The following ALK variants were observed in gnomAD, a reference collection of about 807,000 sequenced individuals.
ALK encodes the protein ALK receptor tyrosine kinase, also known as ALK tyrosine kinase receptor.
ALK carries 74 observed loss-of-function variants against 163.1 expected under a neutral mutation model. The ratio of observed to expected loss-of-function variants is 0.45; its 90% CI spans 0.38 to 0.55. The LOEUF (loss-of-function observed/expected upper bound fraction) is 0.55, where lower values mean the gene tolerates loss of function less well. Ranked by LOEUF, ALK falls within the 20% of genes least tolerant of loss-of-function variation. The pLI, the probability that ALK is intolerant of heterozygous loss-of-function variation, is 0.00. For missense variants in ALK, 2,063 were observed against 2,105.3 expected (o/e 0.98, Z 0.39); for synonymous variants, 960 against 843.2 (o/e 1.14, Z -2.40).
intron 2 of ALK, among the ~76,000 whole-genome samples, chr2:29,715,330 C>G (rs1365764368): frequency 6.6e-6 from 1 of 152,164 alleles, no homozygotes; most frequent in Non-Finnish European, 1.5e-5. Flanking sequence ...TGGTTTGGGT[C>G]CTCTACTCTG....
intron 1 of ALK, among the ~76,000 whole-genome samples, chr2:29,918,682 C>T (rs141209761): frequency 1.8e-4 from 27 of 152,180 alleles, no homozygotes; most frequent in South Asian, 8.3e-4. Context: ...TCTGAATATC[C>T]CTCCTGCATG....
chr2:29,279,630 C>G (rs1375230012), intron 9 of ALK, among the ~76,000 whole-genome samples: 2 of 152,168 alleles, frequency 1.3e-5, no homozygotes, highest in Non-Finnish European at 1.5e-5. Context: ...TCAGGTTTCC[C>G]TACTTTCGAA....
intron 4 of ALK, among the ~76,000 whole-genome samples, chr2:29,487,195 C>T (rs1183947806): frequency 6.6e-6 from 1 of 152,126 alleles, no homozygotes; most frequent in Non-Finnish European, 1.5e-5. Flanking sequence ...CTAAGAATTG[C>T]CAGTTTGGGA....
At chr2:29,230,638 T>G (rs886923051) in intron 15 of ALK, among the ~76,000 whole-genome samples, 2 of 151,928 alleles carry the variant, frequency 1.3e-5, no homozygotes, top group Admixed American at 6.6e-5. Flanking sequence ...GAATCTAGAA[T>G]GGGGACAAGC....
At chr2:29,880,644 G>A (rs55634213) in intron 1 of ALK, among the ~76,000 whole-genome samples, 9,643 of 152,202 alleles carry the variant, frequency 0.063, 438 homozygotes, top group East Asian at 0.14. Flanking sequence ...CACACGCCTC[G>A]GAGGAAAGGG....
chr2:29,667,481 T>G (rs754453064), intron 3 of ALK, among the ~76,000 whole-genome samples: 9 of 151,998 alleles, frequency 5.9e-5, no homozygotes, highest in Non-Finnish European at 1.3e-4. Context: ...TATTTTGCAG[T>G]ATGTTCCTTC....
chr2:29,353,615 G>C (rs987964847), intron 5 of ALK, among the ~76,000 whole-genome samples: 11 of 152,118 alleles, frequency 7.2e-5, no homozygotes, highest in African/African-American at 1.2e-4. Flanking sequence ...ACACCAGGGA[G>C]AGGTGTTTTG....
At chr2:29,772,537 C>G (rs1458977071) in intron 1 of ALK, among the ~76,000 whole-genome samples, 1 of 152,148 alleles carries the variant, frequency 6.6e-6, no homozygotes, top group Non-Finnish European at 1.5e-5. Context: ...GCCTCCCACA[C>G]TTCCTCACCA....
chr2:29,837,363 A>T (rs932416241), intron 1 of ALK, among the ~76,000 whole-genome samples: 5 of 152,268 alleles, frequency 3.3e-5, no homozygotes, highest in Admixed American at 6.5e-5. Flanking sequence ...AGAAGGGAGC[A>T]GTGCAAACAA....
intron 4 of ALK, among the ~76,000 whole-genome samples, chr2:29,522,958 C>T (rs2148149961): frequency 6.6e-6 from 1 of 152,252 alleles, no homozygotes; most frequent in East Asian, 1.9e-4. Context: ...TGCAGCAGGA[C>T]ATTTGCTACA....
chr2:29,675,660 T>G (rs987887867), intron 3 of ALK, among the ~76,000 whole-genome samples: 1 of 152,072 alleles, frequency 6.6e-6, no homozygotes, highest in Non-Finnish European at 1.5e-5. Context: ...GCTGCTTACA[T>G]GCTGTATGTC....
chr2:29,781,687 A>C (rs1269157034), intron 1 of ALK, among the ~76,000 whole-genome samples: 1 of 152,208 alleles, frequency 6.6e-6, no homozygotes, highest in African/African-American at 2.4e-5. Context: ...TAAGCCATAA[A>C]GTAGTAGCTC....
At chr2:29,789,457 G>A (rs1486822051) in intron 1 of ALK, among the ~76,000 whole-genome samples, 3 of 152,204 alleles carry the variant, frequency 2.0e-5, no homozygotes, top group African/African-American at 7.2e-5. Context: ...GCTTGGCAGA[G>A]TCACACAGTT....
chr2:29,822,068 T>C (rs1209083736), intron 1 of ALK, among the ~76,000 whole-genome samples: 2 of 152,212 alleles, frequency 1.3e-5, no homozygotes, highest in African/African-American at 4.8e-5. Context: ...CTGGAACTTC[T>C]ATTGTCCTTT....
intron 1 of ALK, among the ~76,000 whole-genome samples, chr2:29,905,566 A>G (rs1275394660): frequency 6.6e-6 from 1 of 151,356 alleles, no homozygotes; most frequent in Non-Finnish European, 1.5e-5. Flanking sequence ...AAGGAAAGGG[A>G]AAGGGAAGGG....
intron 4 of ALK, among the ~76,000 whole-genome samples, chr2:29,483,247 A>T (rs747884137): frequency 6.6e-6 from 1 of 152,224 alleles, no homozygotes; most frequent in Non-Finnish European, 1.5e-5. Flanking sequence ...CCCTGTCTGT[A>T]TACTGGTATT....
intron 8 of ALK, among the ~76,000 whole-genome samples, chr2:29,300,594 G>A (rs1666341344): frequency 6.6e-6 from 1 of 150,640 alleles, no homozygotes; most frequent in Non-Finnish European, 1.5e-5. Context: ...CCTAAGTCAA[G>A]GCGAAAAATT....
chr2:29,526,827 G>A (rs1421286566), intron 4 of ALK, among the ~76,000 whole-genome samples: 1 of 152,114 alleles, frequency 6.6e-6, no homozygotes, highest in Non-Finnish European at 1.5e-5. Context: ...AAAGCAATCA[G>A]GTCCCTTTTC....
intron 26 of ALK, among the ~76,000 whole-genome samples, chr2:29,198,976 T>C (rs1436514258): frequency 6.8e-6 from 1 of 147,488 alleles, no homozygotes; most frequent in Non-Finnish European, 1.5e-5. Context: ...TTTTTTTTTA[T>C]GTAGTCTCAC....
Sources: gnomAD v4.1 joint callset for allele counts (sites outside exome capture counted in the v4.1 genomes callset) on GRCh38, gnomAD v4.1.1 for gene constraint, MANE v1.5 for transcripts, NCBI Gene and HGNC (gene_info 2026-07-23, HGNC 2026-07-21) for gene names.